The following ACTN4 variants were observed in gnomAD, a reference collection of about 807,000 sequenced individuals.
The protein encoded by ACTN4 is actinin alpha 4.
A neutral mutation model predicts 114.2 loss-of-function variants in ACTN4; 18 were observed. The observed-to-expected ratio is 0.16, with a 90% CI of 0.11 to 0.23. ACTN4 has a LOEUF of 0.23. Ranked by LOEUF, ACTN4 falls within the 10% of genes least tolerant of loss-of-function variation. The pLI is 1.00. For synonymous variants in ACTN4, 515 were observed against 506.3 expected, an observed-to-expected ratio of 1.02 and a Z score of -0.23; for missense variants, 722 against 1,262.9, an observed-to-expected ratio of 0.57 and a Z score of 6.49.
rs902189053 is a variant in ACTN4, at chr19:38,728,179, C to T, written c.2418+153C>T. 3.2e-5 allele frequency: 42 copies of T among 1,295,652 alleles called. No homozygotes were observed. In the African/African-American group the frequency reaches 4.2e-4, roughly 13 times the overall value. The allele number at this position is 1,295,652 out of a possible 1,614,324, so 80.3% of individuals were successfully genotyped here. On this transcript the variant is annotated intron_variant, in intron 19 of 20. Coordinates refer to ENST00000252699, the MANE Select transcript of ACTN4 (RefSeq NM_004924.6). ...CTGCCCACATCTCCCTGGACCCCTT[C>T]CCTTTTACCTGGTCTCTTGGGGCCG...
chr19:38,649,039 G>A (rs1249682189), intron 1 of ACTN4, among the ~76,000 whole-genome samples: 5 of 151,802 alleles, frequency 3.3e-5, no homozygotes, highest in African/African-American at 1.2e-4. Context: ...ACTGGAGAGC[G>A]TGTGTGTGTC....
intron 1 of ACTN4, among the ~76,000 whole-genome samples, chr19:38,669,803 G>A (rs1184770898): frequency 6.6e-6 from 1 of 152,028 alleles, no homozygotes; most frequent in African/African-American, 2.4e-5. Flanking sequence ...TTGTTATTTG[G>A]GGACACTTTG....
intron 1 of ACTN4, among the ~76,000 whole-genome samples, chr19:38,697,278 A>T (rs1162753081): frequency 6.6e-6 from 1 of 152,218 alleles, no homozygotes; most frequent in African/African-American, 2.4e-5. Context: ...GTCTCCTGCC[A>T]TCCCATTTTC....
chr19:38,682,581 G>A (rs1967610483), intron 1 of ACTN4, among the ~76,000 whole-genome samples: 1 of 152,156 alleles, frequency 6.6e-6, no homozygotes, highest in South Asian at 2.1e-4. Flanking sequence ...CCTCACTGCT[G>A]GAACCCTCAC....
intron 1 of ACTN4, among the ~76,000 whole-genome samples, chr19:38,687,459 A>G (rs1302247207): frequency 6.6e-6 from 1 of 152,192 alleles, no homozygotes; most frequent in Non-Finnish European, 1.5e-5. Context: ...TATTTTTAAA[A>G]AGCTCCCAGG....
chr19:38,724,573 A>C lies in ACTN4; in HGVS notation c.2010+8A>C. 6.2e-7 allele frequency: 1 copy of C among 1,613,348 alleles called. No homozygotes were observed. The highest frequency in any genetic ancestry group is 8.5e-7 in the Non-Finnish European group (1 of 1,179,924). On this transcript the variant is annotated splice_region_variant and intron_variant, in intron 16 of 20. Transcript: ENST00000252699. This position sits in a 1 kb window ranked among gnomAD's most constrained non-coding sequence, Gnocchi z 7.0. The stretch of plus-strand genomic sequence containing the variant: ...ATCCAGACCAAGATGGAGGTGAGGC[A>C]CGGCTGAGCCCCACAGAGCTGAGAA...
chr19:38,668,166 A>T (rs561149643), intron 1 of ACTN4, among the ~76,000 whole-genome samples: 2 of 152,220 alleles, frequency 1.3e-5, no homozygotes, highest in African/African-American at 4.8e-5. Context: ...CAGGATCAGG[A>T]TACAGTTAGA....
chr19:38,669,974 T>C (rs143191937), intron 1 of ACTN4, among the ~76,000 whole-genome samples: 1 of 152,276 alleles, frequency 6.6e-6, no homozygotes, highest in Non-Finnish European at 1.5e-5. Context: ...CCTTTTCTGA[T>C]CTTTAGTGGA....
chr19:38,668,684 CAAAAAAAGAAAAAAG>C (rs577834276), intron 1 of ACTN4, among the ~76,000 whole-genome samples: 26 of 149,828 alleles, frequency 1.7e-4, no homozygotes, highest in African/African-American at 5.4e-4. Context: ...GACTCCATCG[CAAAAAAAGAAAAAAG>C]AAAAAAAGAA....
chr19:38,688,678 G>A (rs1967826166), intron 1 of ACTN4, among the ~76,000 whole-genome samples: 1 of 152,022 alleles, frequency 6.6e-6, no homozygotes, highest in African/African-American at 2.4e-5. Context: ...AGTGAGCTAT[G>A]ATGACACCAC....
At chr19:38,673,745 TTATATATATTTTTA>T (rs1420337260) in intron 1 of ACTN4, among the ~76,000 whole-genome samples, 3 of 96,512 alleles carry the variant, frequency 3.1e-5, no homozygotes, top group African/African-American at 1.0e-4. Context: ...ATTTATATAT[TTATATATATTTTTA>T]TATATATATA....
At chr19:38,672,786 T>C (rs1236898667) in intron 1 of ACTN4, among the ~76,000 whole-genome samples, 5 of 152,002 alleles carry the variant, frequency 3.3e-5, no homozygotes, top group African/African-American at 1.2e-4. Flanking sequence ...TTGGTCAGGC[T>C]GGTCTCAAAC....
chr19:38,700,833 TTAA>T (rs2144992915), intron 2 of ACTN4, 119 bp downstream of exon 2: 1 of 1,369,644 alleles, frequency 7.3e-7, no homozygotes, highest in African/African-American at 1.4e-5. Flanking sequence ...AGGGCACCCC[TTAA>T]TAGCTGCACG....
At chr19:38,728,917 G>A (rs1042222145) in intron 19 of ACTN4, 79 bp from the exon 20 acceptor site, 3 of 1,576,954 alleles carry the variant, frequency 1.9e-6, no homozygotes, top group Admixed American at 1.7e-5. Flanking sequence ...CTGTTTCCCT[G>A]GAGACCCCAC....
At chr19:38,657,472 T>G (rs1976746203) in intron 1 of ACTN4, among the ~76,000 whole-genome samples, 1 of 152,116 alleles carries the variant, frequency 6.6e-6, no homozygotes, top group African/African-American at 2.4e-5. Context: ...AAAGACTGGG[T>G]CTCACTATGT....
intron 1 of ACTN4, among the ~76,000 whole-genome samples, chr19:38,668,478 G>A (rs1320240517): frequency 6.6e-6 from 1 of 152,140 alleles, no homozygotes; most frequent in Non-Finnish European, 1.5e-5. Flanking sequence ...ACGAGGTCGG[G>A]AGTTTGAGAC....
intron 1 of ACTN4, among the ~76,000 whole-genome samples, chr19:38,678,354 T>C (rs1191131058): frequency 6.6e-6 from 1 of 152,230 alleles, no homozygotes; most frequent in African/African-American, 2.4e-5. Context: ...TAGGGATAGC[T>C]AAAGACCTAA....
chr19:38,694,885 G>C (rs996566649), intron 1 of ACTN4, among the ~76,000 whole-genome samples: 3 of 151,936 alleles, frequency 2.0e-5, no homozygotes, highest in Non-Finnish European at 4.4e-5. Flanking sequence ...TTTGCGGGGG[G>C]GCGGGTTGAG....
At chr19:38,702,352 G>A (rs1019743224) in intron 3 of ACTN4, among the ~76,000 whole-genome samples, 13 of 150,184 alleles carry the variant, frequency 8.7e-5, no homozygotes, top group Admixed American at 2.6e-4. Flanking sequence ...TGAGAACCCC[G>A]CCCCACCCTG....
Sources: allele counts gnomAD v4.1 joint callset (sites outside exome capture counted in the v4.1 genomes callset), GRCh38; gene constraint gnomAD v4.1.1; non-coding constraint Gnocchi (gnomAD v3.1); transcripts MANE v1.5; gene names NCBI Gene and HGNC (gene_info 2026-07-23, HGNC 2026-07-21).